ANO10: variants seen among roughly 807,000 people sequenced by gnomAD.
ANO10 encodes anoctamin 10.
ANO10 carries 77 observed loss-of-function variants against 74.7 expected under a neutral mutation model. The ratio of observed to expected loss-of-function variants is 1.03; its 90% CI spans 0.86 to 1.25. The LOEUF is 1.25. Ranked by LOEUF, ANO10 falls within the 50% of genes most tolerant of loss-of-function variation. The pLI is 0.00. For missense variants in ANO10, 721 were observed against 778.1 expected (o/e 0.93, Z 0.87); for synonymous variants, 279 against 284.9 (o/e 0.98, Z 0.21).
chr3:43,448,059 C>T (rs1327350433), intron 11 of ANO10, among the ~76,000 whole-genome samples: 1 of 152,088 alleles, frequency 6.6e-6, no homozygotes, highest in Non-Finnish European at 1.5e-5. Flanking sequence ...TGGGATAGTG[C>T]CCAGATAAGA....
At chr3:43,626,166 T>A (rs2083489314), upstream of ANO10, among the ~76,000 whole-genome samples, 1 of 152,090 alleles carries the variant, frequency 6.6e-6, no homozygotes, top group Non-Finnish European at 1.5e-5. Flanking sequence ...ACTCTTGACC[T>A]CAAGTGACCC....
At position 43,416,221 on chromosome 3, in the gene ANO10, C is replaced by T. The variant is rs142431056; in HGVS notation, c.1914+16390G>A. ...GAAATATTCAAACAAAAAGTGTCTA[C>T]AAATCTACGCATACACTGCTTAGAG... On this transcript the variant is annotated intron_variant, in intron 12 of 12. Coordinates refer to ENST00000292246, the MANE Select transcript of ANO10 (RefSeq NM_018075.5). Among the ~76,000 whole-genome samples, 79 of 152,262 alleles carry T rather than the reference C, an allele frequency of 5.2e-4. 1 individual carries two copies. The East Asian group carries it at 6.8e-3, about 13-fold the overall frequency.
At chr3:43,392,680 A>G (rs2092300443) in intron 12 of ANO10, among the ~76,000 whole-genome samples, 1 of 152,206 alleles carries the variant, frequency 6.6e-6, no homozygotes, top group African/African-American at 2.4e-5. Context: ...AAACATACAC[A>G]CTAGTTTCTC....
intron 4 of ANO10, among the ~76,000 whole-genome samples, chr3:43,587,218 A>G (rs1375712488): frequency 2.0e-5 from 3 of 152,210 alleles, no homozygotes; most frequent in African/African-American, 7.2e-5. Flanking sequence ...TAAAAGCCAT[A>G]CAGATCAACA....
chr3:43,470,169 C>G (rs2075792859), intron 11 of ANO10, among the ~76,000 whole-genome samples: 1 of 152,146 alleles, frequency 6.6e-6, no homozygotes, highest in South Asian at 2.1e-4. Flanking sequence ...AATGACCTAT[C>G]AAACCATGAA....
intron 1 of ANO10, among the ~76,000 whole-genome samples, chr3:43,643,775 C>G (rs542122077): frequency 4.0e-5 from 6 of 150,336 alleles, no homozygotes; most frequent in Non-Finnish European, 8.8e-5. Context: ...GCTCTGCCTC[C>G]TGGGTTCACA....
intron 11 of ANO10, among the ~76,000 whole-genome samples, chr3:43,491,227 G>A (rs1247945239): frequency 6.6e-6 from 1 of 152,126 alleles, no homozygotes; most frequent in Non-Finnish European, 1.5e-5. Context: ...AAAACCCTAA[G>A]TCAGGCCAGA....
intron 11 of ANO10, among the ~76,000 whole-genome samples, chr3:43,443,101 C>A (rs191394181): frequency 2.7e-4 from 41 of 152,292 alleles, no homozygotes; most frequent in African/African-American, 8.4e-4. Context: ...TATGACCCAG[C>A]TCACCTTGCT....
At chr3:43,655,980 C>T (rs1407537240) in intron 1 of ANO10, among the ~76,000 whole-genome samples, 1 of 66,228 alleles carries the variant, frequency 1.5e-5, no homozygotes, top group South Asian at 7.3e-4. Flanking sequence ...GGTGTATTTA[C>T]AATCCCTGAG....
At chr3:43,653,433 T>C (rs1031322026) in intron 1 of ANO10, among the ~76,000 whole-genome samples, 26 of 152,210 alleles carry the variant, frequency 1.7e-4, no homozygotes, top group Admixed American at 1.3e-3. Context: ...CATGGCTGCA[T>C]AGGTGGGAAA....
At chr3:43,490,956 C>A (rs556226976) in intron 11 of ANO10, among the ~76,000 whole-genome samples, 11 of 152,076 alleles carry the variant, frequency 7.2e-5, no homozygotes, top group Admixed American at 2.6e-4. Flanking sequence ...AGCAGCTTCC[C>A]GATAAGATCT....
chr3:43,511,367 A>G (rs1181447771), intron 11 of ANO10, among the ~76,000 whole-genome samples: 2 of 152,206 alleles, frequency 1.3e-5, no homozygotes, highest in African/African-American at 4.8e-5. Flanking sequence ...CGTTTTAGCA[A>G]TGTCCTAGCT....
rs773318928 is a variant in ANO10, at chr3:43,686,241, C to T, written c.-12+5276G>A. 2.0e-5 allele frequency among the ~76,000 whole-genome samples: 3 copies of T among 152,306 alleles called. No homozygotes were observed. In the South Asian group the frequency reaches 6.2e-4, roughly 32 times the overall value. On this transcript the variant is annotated intron_variant, in intron 1 of 3. Coordinates refer to the ANO10 transcript ENST00000413397. Reference sequence around the variant, plus strand: ...TACACACCTTAAAAACAACTTGGAACCACAGAATACTAGAAGGGACCTCAA... The same window carrying T: ...TACACACCTTAAAAACAACTTGGAATCACAGAATACTAGAAGGGACCTCAA...
intron 11 of ANO10, chr3:43,472,723 T>C (rs547264500): frequency 6.6e-6 from 1 of 152,250 alleles, no homozygotes; most frequent in African/African-American, 2.4e-5. Flanking sequence ...ATTGGGGAAA[T>C]GTAAATATAG....
At chr3:43,600,813 T>C (rs1393994847) in intron 2 of ANO10, among the ~76,000 whole-genome samples, 1 of 152,140 alleles carries the variant, frequency 6.6e-6, no homozygotes, top group Non-Finnish European at 1.5e-5. Flanking sequence ...CTGCCACTTA[T>C]TCAAATGAGA....
chr3:43,679,552 C>T (rs982971775), intron 1 of ANO10, among the ~76,000 whole-genome samples: 1 of 152,192 alleles, frequency 6.6e-6, no homozygotes, highest in African/African-American at 2.4e-5. Context: ...GAAAACTCTG[C>T]AGACTTAAAT....
intron 9 of ANO10, among the ~76,000 whole-genome samples, chr3:43,557,081 A>T (rs1269416789): frequency 6.6e-6 from 1 of 152,110 alleles, no homozygotes; most frequent in Admixed American, 6.5e-5. Flanking sequence ...TTAAAGAGAT[A>T]CTATTTATAA....
chr3:43,511,039 T>G (rs2077490126), intron 11 of ANO10, among the ~76,000 whole-genome samples: 1 of 152,242 alleles, frequency 6.6e-6, no homozygotes, highest in Admixed American at 6.5e-5. Flanking sequence ...TAGTATAGTT[T>G]GATTAATGTG....
chr3:43,497,029 G>A (rs999368557), intron 11 of ANO10, among the ~76,000 whole-genome samples: 3 of 152,174 alleles, frequency 2.0e-5, no homozygotes, highest in Non-Finnish European at 4.4e-5. Flanking sequence ...GGGGATAGGG[G>A]ATGGGACTGG....
Sources: allele counts gnomAD v4.1 joint callset (sites outside exome capture counted in the v4.1 genomes callset), GRCh38; gene constraint gnomAD v4.1.1; transcripts MANE v1.5; gene names NCBI Gene and HGNC (gene_info 2026-07-23, HGNC 2026-07-21).